Variants in TMEM132B observed in about 807,000 individuals in gnomAD.
TMEM132B encodes transmembrane protein 132B.
A neutral mutation model predicts 90.8 loss-of-function variants in TMEM132B; 18 were observed. The observed-to-expected ratio is 0.20, with a 90% CI of 0.14 to 0.29. The LOEUF is 0.29. Ranked by LOEUF, TMEM132B falls within the 10% of genes least tolerant of loss-of-function variation. TMEM132B has a pLI of 1.00. For synonymous variants in TMEM132B, 504 were observed against 523.3 expected (o/e 0.96, Z 0.50); for missense variants, 1,096 against 1,326.8 (o/e 0.83, Z 2.70).
intron 3 of TMEM132B, among the ~76,000 whole-genome samples, chr12:125,432,006 C>T (rs191403213): frequency 6.6e-5 from 10 of 152,154 alleles, no homozygotes; most frequent in African/African-American, 1.7e-4. Flanking sequence ...TGTTTTTAAA[C>T]GCCCTTTTTC....
At chr12:125,622,697 G>C in intron 5 of TMEM132B, 1 of 983,528 alleles carries the variant, frequency 1.0e-6, no homozygotes, top group Non-Finnish European at 1.2e-6. Flanking sequence ...TGTCTTTTCA[G>C]CTTGGGCCTT....
At chr12:125,267,903 GT>G (rs1192470008) in intron 1 of TMEM132B, among the ~76,000 whole-genome samples, 2 of 152,126 alleles carry the variant, frequency 1.3e-5, no homozygotes, top group African/African-American at 4.8e-5. Context: ...TCGTGTACAA[GT>G]TGCATTTGGC....
At chr12:125,270,020 C>T (rs1270866383) in intron 1 of TMEM132B, among the ~76,000 whole-genome samples, 1 of 151,654 alleles carries the variant, frequency 6.6e-6, no homozygotes, top group Admixed American at 6.6e-5. Context: ...TAGAACATGA[C>T]CCTGTCTCTT....
At chr12:125,417,709 C>G (rs182297322) in intron 3 of TMEM132B, among the ~76,000 whole-genome samples, 13 of 152,136 alleles carry the variant, frequency 8.5e-5, no homozygotes, top group African/African-American at 2.7e-4. Context: ...TTTTCTCAGA[C>G]AGGCCCTTCC....
rs1293635218 is a variant in TMEM132B at position 125,654,132 on chromosome 12, C to G, written c.2674C>G (p.Leu892Val). The G allele has an allele frequency of 2.5e-6, 4 of 1,614,086 alleles. No individual in the cohort carries two copies. The highest frequency in any genetic ancestry group is 3.3e-5 in the Admixed American group (2 of 60,010). Residue 892 changes from leucine to valine, a missense_variant, in exon 9 of 9, where the codon CTC becomes GTC. Coordinates refer to ENST00000682704, the MANE Select transcript of TMEM132B (RefSeq NM_001366854.1). The surrounding 1 kb of genome is among the most constrained non-coding windows in gnomAD (Gnocchi z 5.8). ...KSPDPNNPSD[L>V]TVTSRGLTDL... Reference sequence around the variant, plus strand: ...ACCGGACCCCAATAATCCTAGTGACCTCACAGTGACCTCAAGGGGGCTAAC... The same window carrying G: ...ACCGGACCCCAATAATCCTAGTGACGTCACAGTGACCTCAAGGGGGCTAAC...
At position 125,277,428 on chromosome 12, in the gene TMEM132B, A is replaced by C. The variant is rs555443036; in HGVS notation, c.68-72024A>C. On this transcript the variant is annotated intron_variant, in intron 1 of 8. Transcript: ENST00000682704. The surrounding 1 kb of genome is among the most constrained non-coding windows in gnomAD (Gnocchi z 4.3). ...TGGGAGGCGGAGGTTGCAGTGAGCCAAGATCGTGCCATTTCACTCTATGTG... is the reference window on the plus strand; with the variant it reads ...TGGGAGGCGGAGGTTGCAGTGAGCCCAGATCGTGCCATTTCACTCTATGTG... 6.6e-6 allele frequency among the ~76,000 whole-genome samples: 1 copy of C among 151,802 alleles called. No homozygotes were observed. Among genetic ancestry groups the C allele is most frequent in the South Asian group, 2.1e-4 (1 of 4,796 alleles).
chr12:125,549,743 A>G (rs1340755740), intron 4 of TMEM132B, among the ~76,000 whole-genome samples: 1 of 152,252 alleles, frequency 6.6e-6, no homozygotes, highest in Non-Finnish European at 1.5e-5. Context: ...GCAGAAATTA[A>G]GAATTGCAAC....
intron 3 of TMEM132B, among the ~76,000 whole-genome samples, chr12:125,483,670 T>C (rs1173810081): frequency 6.6e-6 from 1 of 152,144 alleles, no homozygotes; most frequent in Non-Finnish European, 1.5e-5. Context: ...CTGGATTTGC[T>C]CATGAAATCC....
intron 1 of TMEM132B, among the ~76,000 whole-genome samples, chr12:125,299,498 CTG>C (rs910970379): frequency 2.6e-5 from 4 of 152,312 alleles, no homozygotes; most frequent in Middle Eastern, 3.4e-3. Context: ...CAGACCGACT[CTG>C]GGCTGATGGC....
chr12:125,331,222 T>G (rs914850899), intron 1 of TMEM132B, among the ~76,000 whole-genome samples: 3 of 152,216 alleles, frequency 2.0e-5, no homozygotes, highest in African/African-American at 7.2e-5. Context: ...GGTCCCCTCC[T>G]CCGCGTTGCT....
At chr12:125,602,789 T>C (rs1415632658) in intron 5 of TMEM132B, among the ~76,000 whole-genome samples, 1 of 152,128 alleles carries the variant, frequency 6.6e-6, no homozygotes. Context: ...AAAATCAATA[T>C]GCAAAAATCA....
Position 125,538,012 on chromosome 12 carries a change from C to G in TMEM132B, c.1293+18387C>G, listed in dbSNP as rs572434516. Among the ~76,000 whole-genome samples, 147 of 152,320 alleles carry G rather than the reference C, an allele frequency of 9.7e-4. 1 individual carries two copies. Among genetic ancestry groups the G allele is most frequent in the African/African-American group, 3.4e-3 (141 of 41,576 alleles). ...CCATCCCCAGCCAGGCCTGCTTCCC[C>G]CACATGCACGCTCGGCTCCTATTGG... On this transcript the variant is annotated intron_variant, in intron 4 of 8. Coordinates refer to ENST00000682704, the MANE Select transcript of TMEM132B (RefSeq NM_001366854.1).
At chr12:125,396,036 G>A (rs1284071806) in intron 2 of TMEM132B, among the ~76,000 whole-genome samples, 1 of 152,186 alleles carries the variant, frequency 6.6e-6, no homozygotes. Flanking sequence ...CACTCTGTCA[G>A]GAGGACACAA....
intron 3 of TMEM132B, among the ~76,000 whole-genome samples, chr12:125,507,634 G>T (rs577035063): frequency 1.3e-5 from 2 of 152,236 alleles, no homozygotes; most frequent in Admixed American, 1.3e-4. Flanking sequence ...GCTGGAGCTG[G>T]GGGAACAGTA....
chr12:125,263,574 G>A (rs144003396), intron 1 of TMEM132B, among the ~76,000 whole-genome samples: 83 of 152,250 alleles, frequency 5.5e-4, no homozygotes, highest in African/African-American at 1.5e-3. Context: ...GTTTCTGGCC[G>A]TATCTTCAGC....
chr12:125,491,882 T>C (rs1285402786), intron 3 of TMEM132B, among the ~76,000 whole-genome samples: 3 of 152,186 alleles, frequency 2.0e-5, no homozygotes, highest in Admixed American at 6.5e-5. Flanking sequence ...CCACTTTGGA[T>C]GAAATAAACA....
At chr12:125,267,636 C>G (rs1373446658) in intron 1 of TMEM132B, among the ~76,000 whole-genome samples, 1 of 152,140 alleles carries the variant, frequency 6.6e-6, no homozygotes, top group African/African-American at 2.4e-5. Context: ...GTAACTGAAA[C>G]TCGCACTCAT....
At position 125,295,513 on chromosome 12, in the gene TMEM132B, T is replaced by TGAGAGA. The variant is rs1484830404; in HGVS notation, c.68-53938_68-53937insAGAGAG. ...CCTCCATGAAACCTGTGTGTGTGTGTGTGAGAGAGAGAGAGAGAGAGAGAG... is the reference window on the plus strand; with the variant it reads ...CCTCCATGAAACCTGTGTGTGTGTGTGAGAGAGTGAGAGAGAGAGAGAGAGAGAGAG... On this transcript the variant is annotated intron_variant, in intron 1 of 8. Transcript: ENST00000682704. 3.3e-3 allele frequency among the ~76,000 whole-genome samples: 332 copies of TGAGAGA among 100,484 alleles called. 2 individuals are homozygous for TGAGAGA. The highest frequency in any genetic ancestry group is 0.013 in the Admixed American group (133 of 9,882). 65.9% of individuals were successfully genotyped at this position (100,484 alleles called of 152,430 possible). A position where few individuals can be genotyped will look rare whatever the true frequency, so the allele number is the denominator to read the frequency against.
chr12:125,461,247 C>A (rs1881428382), intron 3 of TMEM132B, among the ~76,000 whole-genome samples: 1 of 151,344 alleles, frequency 6.6e-6, no homozygotes, highest in South Asian at 2.1e-4. Context: ...GCCTGTGAGT[C>A]TGATGGAAGG....
Sources: allele counts gnomAD v4.1 joint callset (sites outside exome capture counted in the v4.1 genomes callset), GRCh38; gene constraint gnomAD v4.1.1; non-coding constraint Gnocchi (gnomAD v3.1); transcripts MANE v1.5; gene names NCBI Gene and HGNC (gene_info 2026-07-23, HGNC 2026-07-21).